The following CNTN5 variants were observed in gnomAD, a reference collection of about 807,000 sequenced individuals.
The protein encoded by CNTN5 is contactin-5.
A neutral mutation model predicts 129.1 loss-of-function variants in CNTN5; 77 were observed. That is an observed-to-expected ratio of 0.60 (90% CI 0.50 to 0.72). The LOEUF is 0.72. CNTN5 is among the 30% of genes least tolerant of loss of function. CNTN5 has a pLI of 0.00. For missense variants in CNTN5, 1,478 were observed against 1,328.8 expected (o/e 1.11, Z -1.75); for synonymous variants, 509 against 465.6 (o/e 1.09, Z -1.20).
chr11:99,075,210 A>G (rs1307204520), intron 1 of CNTN5, among the ~76,000 whole-genome samples: 1 of 152,198 alleles, frequency 6.6e-6, no homozygotes, highest in Non-Finnish European at 1.5e-5. Context: ...CAAATAAATA[A>G]TAAATTTATT....
intron 1 of CNTN5, among the ~76,000 whole-genome samples, chr11:99,198,161 T>C (rs893827818): frequency 2.0e-5 from 3 of 152,098 alleles, no homozygotes; most frequent in Non-Finnish European, 2.9e-5. Context: ...TTTGCTTAAA[T>C]TTCTTTTCTG....
intron 23 of CNTN5, among the ~76,000 whole-genome samples, chr11:100,343,966 G>C (rs1486621421): frequency 6.6e-6 from 1 of 152,078 alleles, no homozygotes; most frequent in Non-Finnish European, 1.5e-5. Flanking sequence ...AGGCGGGCTT[G>C]ACCCATTAAA....
At chr11:99,184,996 G>A (rs1221766730) in intron 1 of CNTN5, among the ~76,000 whole-genome samples, 2 of 151,406 alleles carry the variant, frequency 1.3e-5, no homozygotes, top group Non-Finnish European at 3.0e-5. Context: ...ACTGAAGTTA[G>A]ACATAAATTA....
At chr11:99,787,140 A>C (rs1326944268) in intron 3 of CNTN5, among the ~76,000 whole-genome samples, 1 of 150,282 alleles carries the variant, frequency 6.7e-6, no homozygotes, top group Non-Finnish European at 1.5e-5. Flanking sequence ...TTATACTTTA[A>C]GTTTTAGGGT....
chr11:99,177,770 G>A (rs1167315367), intron 1 of CNTN5, among the ~76,000 whole-genome samples: 3 of 152,158 alleles, frequency 2.0e-5, no homozygotes, highest in Admixed American at 6.5e-5. Flanking sequence ...CAGAGGCCTG[G>A]GGGCTGTTTT....
chr11:99,038,498 G>T (rs906034709), intron 1 of CNTN5, among the ~76,000 whole-genome samples: 5 of 151,940 alleles, frequency 3.3e-5, no homozygotes, highest in African/African-American at 1.2e-4. Flanking sequence ...GTCATCAGTG[G>T]TGTATAACAA....
intron 6 of CNTN5, among the ~76,000 whole-genome samples, chr11:99,870,799 G>A (rs181739863): frequency 4.7e-4 from 44 of 93,922 alleles, no homozygotes; most frequent in African/African-American, 1.6e-3. Flanking sequence ...TGAGTTATAT[G>A]TTAATCTCAT....
chr11:99,250,666 C>T (rs1239997527), intron 1 of CNTN5, among the ~76,000 whole-genome samples: 1 of 151,816 alleles, frequency 6.6e-6, no homozygotes, highest in Non-Finnish European at 1.5e-5. Flanking sequence ...TTGAAACAGT[C>T]ATCTATGGAA....
intron 23 of CNTN5, among the ~76,000 whole-genome samples, chr11:100,350,004 A>G (rs992798102): frequency 6.6e-6 from 1 of 151,858 alleles, no homozygotes; most frequent in Non-Finnish European, 1.5e-5. Flanking sequence ...CCGTGCATGT[A>G]TGTTTAATTA....
chr11:99,210,575 T>C (rs1167516596), intron 1 of CNTN5, among the ~76,000 whole-genome samples: 1 of 152,162 alleles, frequency 6.6e-6, no homozygotes, highest in African/African-American at 2.4e-5. Context: ...GTTCACTTTG[T>C]CTCCGATTTC....
chr11:100,110,624 T>C (rs976879609), intron 13 of CNTN5, among the ~76,000 whole-genome samples: 9 of 152,342 alleles, frequency 5.9e-5, no homozygotes, highest in African/African-American at 2.2e-4. Context: ...TTGCAATCCA[T>C]AATAGAAACT....
intron 2 of CNTN5, among the ~76,000 whole-genome samples, chr11:99,545,921 GA>G (rs1188139036): frequency 6.6e-6 from 1 of 152,164 alleles, no homozygotes; most frequent in Non-Finnish European, 1.5e-5. Context: ...CTCATTATTA[GA>G]AGAACTTCTC....
intron 1 of CNTN5, among the ~76,000 whole-genome samples, chr11:99,286,456 T>A (rs757604323): frequency 6.6e-6 from 1 of 152,160 alleles, no homozygotes; most frequent in Admixed American, 6.5e-5. Flanking sequence ...TATTCCAAGA[T>A]GGATAAGGAG....
At chr11:99,906,350 T>C (rs10894143) in intron 6 of CNTN5, among the ~76,000 whole-genome samples, 38,946 of 151,798 alleles carry the variant, frequency 0.26, 5,246 homozygotes, top group African/African-American at 0.35. Flanking sequence ...CATGAAGGGG[T>C]GGGGTGTTGA....
chr11:100,313,881 A>C (rs1591506014), intron 21 of CNTN5, among the ~76,000 whole-genome samples: 1 of 152,282 alleles, frequency 6.6e-6, no homozygotes, highest in East Asian at 1.9e-4. Flanking sequence ...GACCAAAAAG[A>C]GGGAACTGGT....
At chr11:99,981,077 G>GAGATATATATATATAT (rs1555171289) in intron 8 of CNTN5, among the ~76,000 whole-genome samples, 28 of 57,580 alleles carry the variant, frequency 4.9e-4, no homozygotes, top group East Asian at 2.4e-3. Flanking sequence ...GAGCCAATAG[G>GAGATATATATATATAT]ATATATATAT....
At position 100,264,593 on chromosome 11, in the gene CNTN5, T is replaced by C. The variant is rs139714822; in HGVS notation, c.2165-6499T>C. On this transcript the variant is annotated intron_variant, in intron 17 of 24. Coordinates refer to ENST00000524871, the MANE Select transcript of CNTN5 (RefSeq NM_014361.4). ...TTTTTCATGACTACATAATACTCCGTGGTGTATATGTGCCACATTTCCTTT... is the reference window on the plus strand; with the variant it reads ...TTTTTCATGACTACATAATACTCCGCGGTGTATATGTGCCACATTTCCTTT... Among the ~76,000 whole-genome samples the C allele has an allele frequency of 3.9e-5, 6 of 152,286 alleles. No individual in the cohort carries two copies. The East Asian group carries it at 1.2e-3, about 29-fold the overall frequency.
rs571001991 is a variant in CNTN5 at position 99,049,296 on chromosome 11, A to G, written c.-210+28026A>G. 3.9e-5 allele frequency among the ~76,000 whole-genome samples: 6 copies of G among 152,300 alleles called. No homozygotes were observed. The East Asian group carries it at 5.8e-4, about 15-fold the overall frequency. On this transcript the variant is annotated intron_variant, in intron 1 of 24. Transcript: ENST00000524871. ...TTGACTTAACTTCATTTGCATATTT[A>G]CCTGAGTTAGGTAGATAAAACAGAA...
chr11:100,185,702 T>C (rs184192476), intron 13 of CNTN5, among the ~76,000 whole-genome samples: 139 of 152,234 alleles, frequency 9.1e-4, no homozygotes, highest in African/African-American at 3.3e-3. Context: ...TGTTCATAAG[T>C]ATAGGCTCCC....
Sources: gnomAD v4.1 joint callset for allele counts (sites outside exome capture counted in the v4.1 genomes callset) on GRCh38, gnomAD v4.1.1 for gene constraint, MANE v1.5 for transcripts, NCBI Gene and HGNC (gene_info 2026-07-23, HGNC 2026-07-21) for gene names.